Variants in IQUB observed in about 807,000 individuals in gnomAD.
The protein encoded by IQUB is IQ motif and ubiquitin-like domain-containing protein.
A neutral mutation model predicts 86.4 loss-of-function variants in IQUB; 86 were observed. That is an observed-to-expected ratio of 1.00 (90% CI 0.84 to 1.19). The LOEUF is 1.19. Among genes scored for constraint, IQUB ranks in the 50% most tolerant of loss-of-function variants. The probability of loss-of-function intolerance (pLI) is 0.00; values close to 1 mark genes in which losing one functional copy is unlikely to be tolerated. For synonymous variants in IQUB, 289 were observed against 304.5 expected (o/e 0.95, Z 0.53); for missense variants, 946 against 916.9 (o/e 1.03, Z -0.41).
chr7:123,532,975 G>A (rs183005260), intron 1 of IQUB: 30 of 151,432 alleles, frequency 2.0e-4, no homozygotes, highest in Non-Finnish European at 2.9e-4. Context: ...AGGAGGTGAC[G>A]GGAGGAGGAG....
At position 123,511,940 on chromosome 7, in the gene IQUB, G is replaced by T; in HGVS notation, c.397+4C>A. ...TGAAATAGCCTATCTTCCTTAGGTAGTACCTGTTGCTAGAGAATCTTCCAC... is the reference window on the plus strand; with the variant it reads ...TGAAATAGCCTATCTTCCTTAGGTATTACCTGTTGCTAGAGAATCTTCCAC... On this transcript the variant is annotated splice_donor_region_variant and intron_variant, in intron 2 of 12. Coordinates refer to ENST00000324698, the MANE Select transcript of IQUB (RefSeq NM_178827.5). 1.3e-6 allele frequency: 2 copies of T among 1,588,984 alleles called. No individual in the cohort carries two copies. Among genetic ancestry groups the T allele is most frequent in the Non-Finnish European group, 1.7e-6 (2 of 1,162,054 alleles).
intron 1 of IQUB, among the ~76,000 whole-genome samples, chr7:123,533,784 A>T (rs909978913): frequency 4.6e-5 from 7 of 152,304 alleles, no homozygotes; most frequent in Admixed American, 4.6e-4. Context: ...ATGGGGAGAA[A>T]TGGGTAGATG....
chr7:123,524,869 C>T (rs1407709300), intron 1 of IQUB, among the ~76,000 whole-genome samples: 5 of 151,296 alleles, frequency 3.3e-5, no homozygotes, highest in East Asian at 1.9e-4. Flanking sequence ...TTTTCAGATA[C>T]GTCCCATCAA....
intron 1 of IQUB, among the ~76,000 whole-genome samples, chr7:123,530,219 G>A (rs193015936): frequency 2.2e-4 from 33 of 150,862 alleles, no homozygotes; most frequent in Admixed American, 1.1e-3. Flanking sequence ...CCGGTACAGT[G>A]GCTCACGCCT....
rs1796561550 is a variant in IQUB at position 123,514,591 on chromosome 7, AATTTGTTT to A, written c.-4-2255_-4-2248del. ...TCTCTCAAATCCTTACACTGTTTAT[AATTTGTTT>A]ATTTGTATAGACTTAGGGAGTACAA... On this transcript the variant is annotated intron_variant, in intron 1 of 12. Transcript: ENST00000324698. Among the ~76,000 whole-genome samples, 3 of 152,304 alleles carry A rather than the reference AATTTGTTT, an allele frequency of 2.0e-5. No homozygotes were observed. The South Asian group carries it at 6.2e-4, about 32-fold the overall frequency.
intron 1 of IQUB, among the ~76,000 whole-genome samples, chr7:123,513,031 C>T (rs1306776684): frequency 6.6e-6 from 1 of 152,112 alleles, no homozygotes; most frequent in African/African-American, 2.4e-5. Flanking sequence ...GCAGGGAGCC[C>T]ACCTATAGAA....
intron 10 of IQUB, 79 bp from the exon 11 acceptor site, chr7:123,461,684 T>C: frequency 8.2e-7 from 1 of 1,225,488 alleles, no homozygotes; most frequent in Non-Finnish European, 1.1e-6. Context: ...AATGGAAGCA[T>C]CAAAGGCTAA....
intron 7 of IQUB, among the ~76,000 whole-genome samples, chr7:123,481,521 A>G (rs914627006): frequency 3.3e-5 from 5 of 152,218 alleles, no homozygotes; most frequent in Admixed American, 1.3e-4. Flanking sequence ...GTTTATCCCT[A>G]TGTAAGAAAC....
At position 123,452,466 on chromosome 7, in the gene IQUB, T is replaced by A. The variant is rs1793467113; in HGVS notation, c.*277A>T. ...TAACTCTAATATACTTGAAAAAATTTAAAAAATTTAATGTGAAAACACATT... is the reference window on the plus strand; with the variant it reads ...TAACTCTAATATACTTGAAAAAATTAAAAAAATTTAATGTGAAAACACATT... On this transcript the variant is annotated 3_prime_UTR_variant, in exon 13 of 13. Coordinates refer to ENST00000324698, the MANE Select transcript of IQUB (RefSeq NM_178827.5). 4.5e-6 allele frequency: 1 copy of A among 221,504 alleles called. No homozygotes were observed. Among genetic ancestry groups the A allele is most frequent in the Non-Finnish European group, 8.7e-6 (1 of 114,374 alleles). The allele number at this position is 221,504 out of a possible 1,614,324, so 13.7% of individuals were successfully genotyped here.
At chr7:123,495,036 T>C (rs1400463700) in intron 7 of IQUB, among the ~76,000 whole-genome samples, 1 of 152,178 alleles carries the variant, frequency 6.6e-6, no homozygotes, top group African/African-American at 2.4e-5. Context: ...ATAAGACCTT[T>C]CATAGATACC....
At chr7:123,466,229 T>A (rs774713242) in intron 9 of IQUB, among the ~76,000 whole-genome samples, 1 of 152,130 alleles carries the variant, frequency 6.6e-6, no homozygotes, top group Non-Finnish European at 1.5e-5. Flanking sequence ...ACTTAAAGAC[T>A]TTAATCCTCC....
At chr7:123,490,886 C>G (rs1473875695) in intron 7 of IQUB, among the ~76,000 whole-genome samples, 1 of 151,916 alleles carries the variant, frequency 6.6e-6, no homozygotes, top group Middle Eastern at 3.2e-3. Flanking sequence ...ATCGCTTGAA[C>G]CCGGGAGTCA....
rs761268187 is a variant in IQUB, at chr7:123,479,788, C to A, written c.1410+7G>T. ...ATTCATATTTAAATAGTAGTCACTT[C>A]ACTAACCTTATCCAAAAAAGCTTGT... On this transcript the variant is annotated splice_region_variant and intron_variant, in intron 8 of 12. Transcript: ENST00000324698. 6.2e-7 allele frequency: 1 copy of A among 1,605,060 alleles called. No homozygotes were observed. The highest frequency in any genetic ancestry group is 8.5e-7 in the Non-Finnish European group (1 of 1,173,420).
chr7:123,504,351 G>A (rs374589839), intron 3 of IQUB, among the ~76,000 whole-genome samples: 5 of 152,144 alleles, frequency 3.3e-5, no homozygotes, highest in African/African-American at 1.2e-4. Context: ...TCGGGAGGCT[G>A]AGGCAAGAGA....
intron 6 of IQUB, 34 bp from the exon 7 acceptor site, chr7:123,496,940 T>C: frequency 7.2e-7 from 1 of 1,392,308 alleles, no homozygotes; most frequent in Non-Finnish European, 9.9e-7. Flanking sequence ...AGAAAGTGCC[T>C]ATCATCAACT....
At chr7:123,476,777 T>G (rs908752135) in intron 8 of IQUB, among the ~76,000 whole-genome samples, 1 of 149,610 alleles carries the variant, frequency 6.7e-6, no homozygotes, top group Non-Finnish European at 1.5e-5. Context: ...ATATGCAGAG[T>G]CATCAGGACA....
Position 123,479,895 on chromosome 7 carries a change from A to G in IQUB, c.1310T>C (p.Leu437Pro). ...AATTATCTGAGTCTCTTTTTCCAGA[A>G]GTTCACACAGAGCAGCTTTCCTTTC... Reference protein sequence around the residue: ...GAERKAALCELLEKETQIIAS... With the variant: ...GAERKAALCEPLEKETQIIAS... The change falls in exon 8 of 13, where the codon CTT becomes CCT. Residue 437 changes from leucine (L) to proline (P), a missense_variant. Physicochemically the swap from Leu to Pro is moderately conservative, Grantham distance 98. Coordinates refer to ENST00000324698, the MANE Select transcript of IQUB (RefSeq NM_178827.5). 6.2e-7 allele frequency: 1 copy of G among 1,613,130 alleles called. No homozygotes were observed.
At position 123,466,434 on chromosome 7, in the gene IQUB, T is replaced by C. The variant is rs140709285; in HGVS notation, c.1582-1425A>G. On this transcript the variant is annotated intron_variant, in intron 9 of 12. Coordinates refer to ENST00000324698, the MANE Select transcript of IQUB (RefSeq NM_178827.5). Reference sequence around the variant, plus strand: ...TTTTTACTGCCCTCTGTAAGTATCATGTTTATTTCCTACCTCTGGACCTAT... The same window carrying C: ...TTTTTACTGCCCTCTGTAAGTATCACGTTTATTTCCTACCTCTGGACCTAT... Among the ~76,000 whole-genome samples, 75 of 152,238 alleles carry C rather than the reference T, an allele frequency of 4.9e-4. 1 individual carries two copies. The highest frequency in any genetic ancestry group is 1.8e-3 in the African/African-American group (74 of 41,552).
intron 1 of IQUB, among the ~76,000 whole-genome samples, chr7:123,524,686 C>G (rs1412114951): frequency 6.6e-6 from 1 of 150,842 alleles, no homozygotes; most frequent in African/African-American, 2.4e-5. Flanking sequence ...ATTGAATAGC[C>G]TTTATTTCCT....
Sources: allele counts gnomAD v4.1 joint callset (sites outside exome capture counted in the v4.1 genomes callset), GRCh38; gene constraint gnomAD v4.1.1; transcripts MANE v1.5; gene names NCBI Gene and HGNC (gene_info 2026-07-23, HGNC 2026-07-21).